Variants in SORCS3 observed in about 807,000 individuals in gnomAD.
SORCS3 encodes sortilin related VPS10 domain containing receptor 3, also known as VPS10 domain-containing receptor SorCS3.
SORCS3 carries 57 observed loss-of-function variants against 146.3 expected under a neutral mutation model. That is an observed-to-expected ratio of 0.39 (90% CI 0.31 to 0.49). The LOEUF (loss-of-function observed/expected upper bound fraction) is 0.49. Ranked by LOEUF, SORCS3 falls within the 20% of genes least tolerant of loss-of-function variation. The probability of loss-of-function intolerance (pLI) is 0.92; values close to 1 mark genes in which losing one functional copy is unlikely to be tolerated. For synonymous variants in SORCS3, 653 were observed against 618.5 expected (o/e 1.06, Z -0.83); for missense variants, 1,341 against 1,575.5 (o/e 0.85, Z 2.52).
At chr10:104,746,058 A>G (rs1417115713) in intron 1 of SORCS3, among the ~76,000 whole-genome samples, 1 of 151,818 alleles carries the variant, frequency 6.6e-6, no homozygotes, top group African/African-American at 2.4e-5. Context: ...GACCCAATTT[A>G]TTTTGAAGGT....
intron 1 of SORCS3, among the ~76,000 whole-genome samples, chr10:104,774,538 GTGAT>G: frequency 6.6e-6 from 1 of 152,282 alleles, no homozygotes; most frequent in Non-Finnish European, 1.5e-5. Flanking sequence ...GCTTTCGCGG[GTGAT>G]TAATTGTTGA....
chr10:104,759,581 C>G (rs76979949), intron 1 of SORCS3, among the ~76,000 whole-genome samples: 1 of 152,122 alleles, frequency 6.6e-6, no homozygotes, highest in African/African-American at 2.4e-5. Context: ...TTATATGTGA[C>G]CTTTTATCTG....
At chr10:105,260,156 C>T (rs139372765) in intron 25 of SORCS3, among the ~76,000 whole-genome samples, 150 of 152,126 alleles carry the variant, frequency 9.9e-4, no homozygotes, top group Middle Eastern at 6.8e-3. Flanking sequence ...TGAAATAAAG[C>T]GAATAATCTC....
intron 1 of SORCS3, among the ~76,000 whole-genome samples, chr10:104,757,907 TAC>T (rs1325993586): frequency 7.2e-6 from 1 of 138,298 alleles, no homozygotes; most frequent in African/African-American, 2.7e-5. Flanking sequence ...CTGTCTAAAG[TAC>T]AAAGGGAAAG....
intron 14 of SORCS3, among the ~76,000 whole-genome samples, chr10:105,189,316 C>T (rs2056498709): frequency 6.6e-6 from 1 of 152,102 alleles, no homozygotes; most frequent in Non-Finnish European, 1.5e-5. Context: ...TCATCTTTGT[C>T]CCTGTCATTC....
At chr10:104,877,788 G>T (rs1442096322) in intron 2 of SORCS3, among the ~76,000 whole-genome samples, 1 of 152,006 alleles carries the variant, frequency 6.6e-6, no homozygotes, top group Non-Finnish European at 1.5e-5. Flanking sequence ...TCTTCCCTAT[G>T]GTTTTCTGCA....
rs2015414891 is a variant in SORCS3, at chr10:104,641,490, G to A, written c.163G>A (p.Ala55Thr). ...RPAAPASRPP[A>T]LSPLSPRAVA... is the part of the protein sequence containing the mutation. Reference sequence around the variant, plus strand: ...GGCGGCCCCGGCTTCGCGGCCACCGGCGTTGTCTCCACTCTCGCCGCGGGC... The same window carrying A: ...GGCGGCCCCGGCTTCGCGGCCACCGACGTTGTCTCCACTCTCGCCGCGGGC... The change falls in exon 1 of 27, where the codon GCG (alanine) becomes ACG (threonine). Residue 55 changes from alanine to threonine, a missense_variant. Transcript: ENST00000369701. The surrounding 1 kb of genome is among the most constrained non-coding windows in gnomAD (Gnocchi z 6.4). 3 of 1,471,368 alleles carry A rather than the reference G, an allele frequency of 2.0e-6. No individual in the cohort carries two copies. Among genetic ancestry groups the A allele is most frequent in the East Asian group, 3.0e-5 (1 of 33,634 alleles). 91.1% of individuals were successfully genotyped at this position (1,471,368 alleles called of 1,614,324 possible). A position where few individuals can be genotyped will look rare whatever the true frequency, so the allele number is the denominator to read the frequency against.
intron 1 of SORCS3, among the ~76,000 whole-genome samples, chr10:104,682,227 A>G (rs10884031): frequency 6.6e-6 from 1 of 152,060 alleles, no homozygotes; most frequent in Non-Finnish European, 1.5e-5. Flanking sequence ...CTTGGAAAAA[A>G]TCTTCATGCT....
At chr10:104,850,174 C>G (rs1230127015) in intron 2 of SORCS3, among the ~76,000 whole-genome samples, 1 of 152,216 alleles carries the variant, frequency 6.6e-6, no homozygotes, top group Non-Finnish European at 1.5e-5. Context: ...GCATGTTTCT[C>G]AAACTTGTTG....
rs144801455 is a variant in SORCS3 at position 104,976,251 on chromosome 10, G to A, written c.796-1084G>A. On this transcript the variant is annotated intron_variant, in intron 3 of 26. Coordinates refer to ENST00000369701, the MANE Select transcript of SORCS3 (RefSeq NM_014978.3). ...CAACCCCATCAAAAAGTGGGCAAAG[G>A]ACATGAATAGACACTTCTCAAAAGG... Among the ~76,000 whole-genome samples, 418 of 152,198 alleles carry A rather than the reference G, an allele frequency of 2.7e-3. 2 individuals are homozygous for A. Among genetic ancestry groups the A allele is most frequent in the African/African-American group, 9.5e-3 (396 of 41,510 alleles).
chr10:104,774,228 G>A (rs2017283305), intron 1 of SORCS3, among the ~76,000 whole-genome samples: 1 of 152,156 alleles, frequency 6.6e-6, no homozygotes, highest in Admixed American at 6.5e-5. Context: ...TGGGACATCA[G>A]TCTTTACTTT....
chr10:104,771,063 A>G (rs1235017990), intron 1 of SORCS3, among the ~76,000 whole-genome samples: 1 of 152,154 alleles, frequency 6.6e-6, no homozygotes, highest in East Asian at 1.9e-4. Context: ...CAAATGCTTG[A>G]TAGCCACGTG....
At chr10:104,718,267 G>T (rs568043121) in intron 1 of SORCS3, among the ~76,000 whole-genome samples, 1 of 152,282 alleles carries the variant, frequency 6.6e-6, no homozygotes, top group South Asian at 2.1e-4. Flanking sequence ...AGGCCTTTTT[G>T]CTGTGTCATC....
chr10:105,019,058 A>G (rs1362954361), intron 4 of SORCS3, among the ~76,000 whole-genome samples: 2 of 151,802 alleles, frequency 1.3e-5, no homozygotes, highest in African/African-American at 4.8e-5. Context: ...CATTGTTATC[A>G]CCTCATTTTT....
chr10:105,109,865 G>T (rs530684750), intron 7 of SORCS3, among the ~76,000 whole-genome samples: 1 of 151,928 alleles, frequency 6.6e-6, no homozygotes, highest in African/African-American at 2.4e-5. Context: ...TGGCCATAAT[G>T]TACTGATTCT....
At chr10:105,122,303 T>C (rs981075833) in intron 7 of SORCS3, among the ~76,000 whole-genome samples, 1 of 152,182 alleles carries the variant, frequency 6.6e-6, no homozygotes, top group Non-Finnish European at 1.5e-5. Context: ...GAGTAAATAA[T>C]CATTTTGAAT....
intron 1 of SORCS3, among the ~76,000 whole-genome samples, chr10:104,698,012 T>G (rs2016236982): frequency 1.3e-5 from 2 of 152,170 alleles, no homozygotes; most frequent in African/African-American, 4.8e-5. Context: ...AAGAGTGACT[T>G]TTAAGTTTTT....
chr10:104,811,941 T>C (rs1348878363), intron 1 of SORCS3, among the ~76,000 whole-genome samples: 3 of 152,188 alleles, frequency 2.0e-5, no homozygotes, highest in African/African-American at 7.2e-5. Context: ...TTGACTATTA[T>C]GCAATCTATG....
chr10:104,873,680 C>T lies in SORCS3; in HGVS notation c.695+30821C>T, dbSNP rs139544544. ...TATCTTTAATTTGCTTGGCATAATG[C>T]ACTTAATCCATAATTATAAAATATG... On this transcript the variant is annotated intron_variant, in intron 2 of 26. Transcript: ENST00000369701. 3.5e-3 allele frequency among the ~76,000 whole-genome samples: 532 copies of T among 152,260 alleles called. 2 individuals carry two copies. The highest frequency in any genetic ancestry group is 0.018 in the South Asian group (88 of 4,824).
Sources: gnomAD v4.1 joint callset for allele counts (sites outside exome capture counted in the v4.1 genomes callset) on GRCh38, gnomAD v4.1.1 for gene constraint, Gnocchi (gnomAD v3.1) non-coding constraint, MANE v1.5 for transcripts, NCBI Gene and HGNC (gene_info 2026-07-23, HGNC 2026-07-21) for gene names.